The following AUTS2 variants were observed in gnomAD, a reference collection of about 807,000 sequenced individuals.
The protein encoded by AUTS2 is activator of transcription and developmental regulator AUTS2.
In AUTS2, 17 loss-of-function variants were observed where a neutral mutation model predicts 112.4. The ratio of observed to expected loss-of-function variants is 0.15; its 90% confidence interval spans 0.10 to 0.23. The LOEUF is 0.23. Ranked by LOEUF, AUTS2 falls within the 10% of genes least tolerant of loss-of-function variation. The pLI is 1.00. For synonymous variants in AUTS2, 751 were observed against 702.7 expected, an observed-to-expected ratio of 1.07 and a Z score of -1.09; for missense variants, 1,510 against 1,701.6, an observed-to-expected ratio of 0.89 and a Z score of 1.98.
intron 4 of AUTS2, among the ~76,000 whole-genome samples, chr7:70,425,826 C>G (rs1399755554): frequency 6.6e-6 from 1 of 152,198 alleles, no homozygotes; most frequent in Non-Finnish European, 1.5e-5. Context: ...AAAAGATATT[C>G]AGTCTTACTG....
At chr7:70,621,134 C>A (rs1804650874) in intron 5 of AUTS2, among the ~76,000 whole-genome samples, 1 of 152,226 alleles carries the variant, frequency 6.6e-6, no homozygotes, top group Admixed American at 6.5e-5. Context: ...TCTCTTCTTT[C>A]TTCCCCTTCC....
chr7:69,671,837 A>G (rs922003045), intron 1 of AUTS2, among the ~76,000 whole-genome samples: 3 of 152,024 alleles, frequency 2.0e-5, no homozygotes, highest in Non-Finnish European at 2.9e-5. Context: ...TTATTCCACA[A>G]AAATCTTTGA....
intron 2 of AUTS2, among the ~76,000 whole-genome samples, chr7:70,076,029 G>A (rs1803012469): frequency 6.6e-6 from 1 of 152,182 alleles, no homozygotes; most frequent in Non-Finnish European, 1.5e-5. Flanking sequence ...ATGTGGATGT[G>A]TTCTAATAAA....
chr7:70,284,148 A>G (rs887812606), intron 4 of AUTS2, among the ~76,000 whole-genome samples: 4 of 152,224 alleles, frequency 2.6e-5, no homozygotes, highest in African/African-American at 9.6e-5. Flanking sequence ...TATTAAGTTC[A>G]CAATAAATTA....
intron 2 of AUTS2, among the ~76,000 whole-genome samples, chr7:69,996,698 A>C (rs1563024093): frequency 1.3e-5 from 2 of 152,128 alleles, no homozygotes; most frequent in Non-Finnish European, 2.9e-5. Context: ...TCCTTTATAA[A>C]AAGTTGTAAA....
intron 1 of AUTS2, among the ~76,000 whole-genome samples, chr7:69,640,317 G>A (rs1420230765): frequency 2.0e-5 from 3 of 152,216 alleles, no homozygotes; most frequent in Non-Finnish European, 4.4e-5. Flanking sequence ...CCCCAGCCGG[G>A]GATGGAGGGC....
intron 9 of AUTS2, 82 bp from the exon 10 acceptor site, chr7:70,767,942 A>C: frequency 7.3e-7 from 1 of 1,375,616 alleles, no homozygotes; most frequent in Non-Finnish European, 1.0e-6. Flanking sequence ...AATGACAGGG[A>C]AGCTTTGTAG....
At chr7:70,315,878 C>T (rs1285927476) in intron 4 of AUTS2, among the ~76,000 whole-genome samples, 2 of 152,168 alleles carry the variant, frequency 1.3e-5, no homozygotes, top group Non-Finnish European at 2.9e-5. Flanking sequence ...AAGTCGTTCC[C>T]CATCTCTATT....
chr7:70,099,118 G>A (rs1327076713), intron 2 of AUTS2, among the ~76,000 whole-genome samples: 1 of 152,014 alleles, frequency 6.6e-6, no homozygotes, highest in Non-Finnish European at 1.5e-5. Flanking sequence ...ATGGACAAAG[G>A]CCAGGTCTTA....
chr7:69,601,834 C>G (rs1461910906), intron 1 of AUTS2, among the ~76,000 whole-genome samples: 1 of 151,770 alleles, frequency 6.6e-6, no homozygotes, highest in Admixed American at 6.6e-5. Flanking sequence ...CAGCATGTTC[C>G]TATTAGAACA....
At chr7:69,873,418 CTT>C (rs36005575) in intron 1 of AUTS2, among the ~76,000 whole-genome samples, 11,334 of 125,322 alleles carry the variant, frequency 0.09, 435 homozygotes, top group Admixed American at 0.12. Flanking sequence ...GGGGCTCAGG[CTT>C]TTTTTTTTTT....
chr7:70,010,836 T>A (rs910071079), intron 2 of AUTS2, among the ~76,000 whole-genome samples: 1 of 152,238 alleles, frequency 6.6e-6, no homozygotes, highest in African/African-American at 2.4e-5. Flanking sequence ...CCAGATTGCT[T>A]CTGTCATACT....
At chr7:70,626,433 C>T (rs1804952826) in intron 5 of AUTS2, among the ~76,000 whole-genome samples, 1 of 150,144 alleles carries the variant, frequency 6.7e-6, no homozygotes, top group African/African-American at 2.5e-5. Context: ...GGACTGGATC[C>T]TACCACAGGA....
chr7:70,016,699 ACT>A (rs1800044663), intron 2 of AUTS2, among the ~76,000 whole-genome samples: 1 of 143,672 alleles, frequency 7.0e-6, no homozygotes, highest in African/African-American at 2.6e-5. Flanking sequence ...ACGGAGTCTT[ACT>A]CTGTTTCCTG....
chr7:70,752,836 G>C (rs1237537576), intron 6 of AUTS2, among the ~76,000 whole-genome samples: 1 of 152,114 alleles, frequency 6.6e-6, no homozygotes, highest in African/African-American at 2.4e-5. Flanking sequence ...TTGTGGCTCT[G>C]TTTGCTTGAG....
At chr7:70,616,031 C>T (rs1205805052) in intron 5 of AUTS2, among the ~76,000 whole-genome samples, 3 of 152,174 alleles carry the variant, frequency 2.0e-5, no homozygotes, top group African/African-American at 7.2e-5. Context: ...AGGCGTGAGC[C>T]ACCACATGCA....
At position 69,899,501 on chromosome 7, in the gene AUTS2, G is replaced by A. The variant is rs568963830; in HGVS notation, c.522+3G>A. ...AAATGCCGAAGGCACTCAGACAGGT[G>A]AGGAAGCTTGGGTTCGCTCTTTCCT... On this transcript the variant is annotated splice_donor_region_variant and intron_variant, in intron 2 of 18. Coordinates refer to ENST00000342771, the MANE Select transcript of AUTS2 (RefSeq NM_015570.4). The A allele has an allele frequency of 6.2e-7, 1 of 1,613,874 alleles. No individual in the cohort carries two copies. Among genetic ancestry groups the A allele is most frequent in the African/African-American group, 1.3e-5 (1 of 75,052 alleles).
chr7:70,359,534 G>T (rs542478654), intron 4 of AUTS2, among the ~76,000 whole-genome samples: 8 of 152,278 alleles, frequency 5.3e-5, no homozygotes, highest in Non-Finnish European at 1.2e-4. Flanking sequence ...GGCAGAGAAG[G>T]TCAAAGGGGA....
At chr7:69,778,248 T>A (rs12113503) in intron 1 of AUTS2, among the ~76,000 whole-genome samples, 9,272 of 52,158 alleles carry the variant, frequency 0.18, 340 homozygotes, top group African/African-American at 0.19. Context: ...ATATATATAT[T>A]TTTTTTTTTT....
Sources: gnomAD v4.1 joint callset for allele counts (sites outside exome capture counted in the v4.1 genomes callset) on GRCh38, gnomAD v4.1.1 for gene constraint, MANE v1.5 for transcripts, NCBI Gene and HGNC (gene_info 2026-07-23, HGNC 2026-07-21) for gene names.